DGKD: variants seen among roughly 807,000 people sequenced by gnomAD.
DGKD encodes DAG kinase delta.
Under a neutral mutation model 154.4 loss-of-function variants are expected in DGKD, and 68 were observed. The ratio of observed to expected loss-of-function variants is 0.44; its 90% CI spans 0.36 to 0.54. DGKD has a LOEUF of 0.54. DGKD is among the 20% of genes least tolerant of loss of function. The probability of loss-of-function intolerance (pLI) is 0.00; values close to 1 mark genes in which losing one functional copy is unlikely to be tolerated. For synonymous variants in DGKD, 693 were observed against 638.0 expected (o/e 1.09, Z -1.30); for missense variants, 1,343 against 1,593.6 (o/e 0.84, Z 2.68).
At chr2:233,415,575 A>G (rs1020348717) in intron 3 of DGKD, among the ~76,000 whole-genome samples, 8 of 152,202 alleles carry the variant, frequency 5.3e-5, no homozygotes, top group Non-Finnish European at 1.0e-4. Context: ...TGATTTTTGT[A>G]GGAAATAGGC....
intron 3 of DGKD, among the ~76,000 whole-genome samples, chr2:233,417,964 G>A (rs1214622055): frequency 6.6e-6 from 1 of 152,218 alleles, no homozygotes; most frequent in East Asian, 1.9e-4. Flanking sequence ...GGCTCAAAAT[G>A]TCAATAGTGC....
chr2:233,388,122 G>A (rs1238568138), intron 1 of DGKD, 135 bp from the exon 2 acceptor site: 1 of 1,525,386 alleles, frequency 6.6e-7, no homozygotes, highest in Non-Finnish European at 8.8e-7. Context: ...ATAGGTCAAG[G>A]TCTGTTGAGA....
chr2:233,451,220 T>TAAAAACA (rs58430759), intron 17 of DGKD, among the ~76,000 whole-genome samples, 170 bp downstream of exon 17: 14 of 146,338 alleles, frequency 9.6e-5, no homozygotes, highest in African/African-American at 2.9e-4. Flanking sequence ...TTTTTTTTTT[T>TAAAAACA]AAAAACAAAA....
chr2:233,385,253 C>T (rs923633300), intron 1 of DGKD, among the ~76,000 whole-genome samples: 1 of 152,192 alleles, frequency 6.6e-6, no homozygotes, highest in African/African-American at 2.4e-5. Flanking sequence ...AGTCTTGGAC[C>T]TGTGGGCTGG....
intron 12 of DGKD, chr2:233,447,840 AAGG>A (rs1333130769): frequency 3.0e-6 from 4 of 1,328,074 alleles, no homozygotes; most frequent in Non-Finnish European, 3.9e-6. Flanking sequence ...TCGCAGACTG[AAGG>A]AGATTCATTT....
At chr2:233,396,134 G>A (rs572330771) in intron 3 of DGKD, among the ~76,000 whole-genome samples, 7 of 152,240 alleles carry the variant, frequency 4.6e-5, no homozygotes, top group Admixed American at 2.0e-4. Context: ...GGGGGTTGTC[G>A]AGAGCAGGCT....
intron 1 of DGKD, among the ~76,000 whole-genome samples, chr2:233,362,648 T>C (rs1419317983): frequency 6.6e-6 from 1 of 152,154 alleles, no homozygotes; most frequent in Non-Finnish European, 1.5e-5. Context: ...CGAAACTCTG[T>C]ATTAAATAGA....
At chr2:233,403,603 A>G (rs1265027437) in intron 3 of DGKD, among the ~76,000 whole-genome samples, 1 of 152,078 alleles carries the variant, frequency 6.6e-6, no homozygotes, top group Non-Finnish European at 1.5e-5. Flanking sequence ...ATGTTCCCAC[A>G]GTAGCTCTGC....
chr2:233,419,378 C>A, intron 3 of DGKD: 7 of 985,464 alleles, frequency 7.1e-6, no homozygotes, highest in Non-Finnish European at 8.4e-6. Context: ...AATTTTGATA[C>A]ACGTGGAGCA....
intron 3 of DGKD, among the ~76,000 whole-genome samples, chr2:233,399,261 C>G (rs930220246): frequency 2.6e-5 from 4 of 152,186 alleles, no homozygotes; most frequent in Non-Finnish European, 5.9e-5. Context: ...TGGCTTTACA[C>G]CAAGTTCCCA....
chr2:233,361,685 C>A (rs777148906), intron 1 of DGKD, among the ~76,000 whole-genome samples: 1 of 152,230 alleles, frequency 6.6e-6, no homozygotes, highest in Non-Finnish European at 1.5e-5. Context: ...AGATGGCTCA[C>A]GCCTATAATC....
chr2:233,390,712 TTA>T lies in DGKD; in HGVS notation c.348+233_348+234del, dbSNP rs576365517. On this transcript the variant is annotated intron_variant, in intron 3 of 29. Coordinates refer to ENST00000264057, the MANE Select transcript of DGKD (RefSeq NM_152879.3). ...ACAATAGGGACCAAATGAAAAATTT[TTA>T]TATGTGTTTTGGTTCACGTCTGTTT... 7.2e-5 allele frequency among the ~76,000 whole-genome samples: 11 copies of T among 152,298 alleles called. No homozygotes were observed. The East Asian group carries it at 2.1e-3, about 29-fold the overall frequency.
rs1224318656 is a variant in DGKD, at chr2:233,471,819, GGCT to G, written c.*2363_*2365del. 6.6e-6 allele frequency: 1 copy of G among 152,414 alleles called. No individual in the cohort carries two copies. Among genetic ancestry groups the G allele is most frequent in the African/African-American group, 2.4e-5 (1 of 41,460 alleles). 9.4% of individuals were successfully genotyped at this position (152,414 alleles called of 1,614,324 possible). ...CACTGGGGTGTCCTCGCTGTCTGGG[GGCT>G]GCTCTGCTGCCCCGGCCCAGGTCCC... On this transcript the variant is annotated 3_prime_UTR_variant, in exon 30 of 30. Transcript: ENST00000264057.
At chr2:233,402,853 C>T (rs1016820573) in intron 3 of DGKD, among the ~76,000 whole-genome samples, 3 of 152,186 alleles carry the variant, frequency 2.0e-5, no homozygotes, top group Admixed American at 6.5e-5. Context: ...TCCTGTATCA[C>T]GGCAAACTGT....
intron 1 of DGKD, among the ~76,000 whole-genome samples, chr2:233,378,151 C>G (rs565247527): frequency 6.6e-6 from 1 of 151,228 alleles, no homozygotes; most frequent in Non-Finnish European, 1.5e-5. Context: ...TGGTGGCTCA[C>G]GCCTGTAATC....
Position 233,435,956 on chromosome 2 carries a change from G to C in DGKD, c.693+32G>C, listed in dbSNP as rs775861733. 1.0e-5 allele frequency: 16 copies of C among 1,571,024 alleles called. No individual in the cohort carries two copies. The South Asian group carries it at 1.7e-4, about 17-fold the overall frequency. On this transcript the variant is annotated intron_variant, in intron 6 of 29. Transcript: ENST00000264057. ...TAAGAAATACCACCTGTGGGGCCCT[G>C]AGCCAGGGTCCCCCACCTGCACGGC...
Position 233,445,901 on chromosome 2 carries a change from T to G in DGKD, c.1334+139T>G. ...GTAAAGATTTGACCTGAGTATATAT[T>G]CGGATAGTCTTTGATATTTGGTCAG... On this transcript the variant is annotated intron_variant, in intron 11 of 29. Coordinates refer to ENST00000264057, the MANE Select transcript of DGKD (RefSeq NM_152879.3). This position sits in a 1 kb window ranked among gnomAD's most constrained non-coding sequence, Gnocchi z 5.5. 3.2e-4 allele frequency: 312 copies of G among 987,990 alleles called. No homozygotes were observed. Among genetic ancestry groups the G allele is most frequent in the Non-Finnish European group, 4.0e-4 (280 of 705,462 alleles). 61.2% of individuals were successfully genotyped at this position (987,990 alleles called of 1,614,324 possible). A position where few individuals can be genotyped will look rare whatever the true frequency, so the allele number is the denominator to read the frequency against.
At chr2:233,395,329 C>T (rs1703934710) in intron 3 of DGKD, among the ~76,000 whole-genome samples, 1 of 152,092 alleles carries the variant, frequency 6.6e-6, no homozygotes, top group Non-Finnish European at 1.5e-5. Context: ...TGTGACCATA[C>T]CCAGATAATT....
At chr2:233,436,054 C>T in intron 6 of DGKD, 130 bp downstream of exon 6, 1 of 1,104,682 alleles carries the variant, frequency 9.1e-7, no homozygotes, top group South Asian at 1.5e-5. Flanking sequence ...TTGGGTGGCA[C>T]AGTGGAAATT....
Sources: allele counts gnomAD v4.1 joint callset (sites outside exome capture counted in the v4.1 genomes callset), GRCh38; gene constraint gnomAD v4.1.1; non-coding constraint Gnocchi (gnomAD v3.1); transcripts MANE v1.5; gene names NCBI Gene and HGNC (gene_info 2026-07-23, HGNC 2026-07-21).